Variants in GALNT10 observed in about 807,000 individuals in gnomAD.
The protein encoded by GALNT10 is GalNAc transferase 10.
GALNT10 carries 41 observed loss-of-function variants against 75.0 expected under a neutral mutation model. The observed-to-expected ratio is 0.55, with a 90% CI of 0.43 to 0.71. The LOEUF (loss-of-function observed/expected upper bound fraction) is 0.71, where lower values mean the gene tolerates loss of function less well. Ranked by LOEUF, GALNT10 falls within the 30% of genes least tolerant of loss-of-function variation. The pLI is 0.00. For synonymous variants in GALNT10, 302 were observed against 313.0 expected (o/e 0.96, Z 0.37); for missense variants, 727 against 818.5 (o/e 0.89, Z 1.36).
In GALNT10 at chr5:154,230,539, G is replaced by A. The variant is rs148354456; in HGVS notation, c.159+39514G>A. 9.7e-3 allele frequency among the ~76,000 whole-genome samples: 1,472 copies of A among 152,300 alleles called. 98 individuals carry two copies. The highest frequency in any genetic ancestry group is 0.083 in the Admixed American group (1,266 of 15,298). On this transcript the variant is annotated intron_variant, in intron 1 of 11. Coordinates refer to ENST00000297107, the MANE Select transcript of GALNT10 (RefSeq NM_198321.4). ...CCAAATCTGCACCATAGGCTTCTGT[G>A]TCTGGCTTATGAGTAGCAGCTTTAT...
chr5:154,377,484 T>C (rs934872534), intron 5 of GALNT10, among the ~76,000 whole-genome samples: 3 of 152,224 alleles, frequency 2.0e-5, no homozygotes, highest in Admixed American at 1.3e-4. Context: ...AAAACACAGA[T>C]GCTGGCCCCT....
intron 1 of GALNT10, among the ~76,000 whole-genome samples, chr5:154,211,293 T>C (rs946531241): frequency 6.6e-6 from 1 of 152,162 alleles, no homozygotes; most frequent in African/African-American, 2.4e-5. Flanking sequence ...CTATGGACTC[T>C]CTGGAGGGAG....
At chr5:154,322,692 A>G (rs889032) in intron 3 of GALNT10, among the ~76,000 whole-genome samples, 106,890 of 151,918 alleles carry the variant, frequency 0.7, 38,536 homozygotes, top group Admixed American at 0.82. Flanking sequence ...GGCCTGGGAA[A>G]ATTCCCTATC....
At chr5:154,199,160 A>T (rs181320235) in intron 1 of GALNT10, among the ~76,000 whole-genome samples, 2 of 152,210 alleles carry the variant, frequency 1.3e-5, no homozygotes, top group East Asian at 3.9e-4. Context: ...TTCTTCTTGA[A>T]CTTCAGGGTG....
chr5:154,284,553 G>A (rs1775129155), intron 1 of GALNT10, among the ~76,000 whole-genome samples: 2 of 152,102 alleles, frequency 1.3e-5, no homozygotes, highest in Admixed American at 1.3e-4. Context: ...ATCCACAGCT[G>A]CTGTGCAGAG....
Position 154,403,823 on chromosome 5 carries a change from G to A in GALNT10, c.1057-281G>A, listed in dbSNP as rs182524834. ...GCCTCCATTTCAGCATCTGTAAAAT[G>A]TTACTACCTACTTTATAGGTTTTCT... is the stretch of plus-strand genomic sequence containing the variant. On this transcript the variant is annotated intron_variant, in intron 7 of 11. Transcript: ENST00000297107. The A allele has an allele frequency of 2.5e-5, 11 of 448,774 alleles. No individual in the cohort carries two copies. In the Admixed American group the frequency reaches 4.2e-4, roughly 17 times the overall value. The allele number at this position is 448,774 out of a possible 1,614,324, so 27.8% of individuals were successfully genotyped here.
chr5:154,319,000 A>G (rs781366043), intron 3 of GALNT10, among the ~76,000 whole-genome samples: 1 of 152,250 alleles, frequency 6.6e-6, no homozygotes, highest in Non-Finnish European at 1.5e-5. Context: ...CTTCTTTCAC[A>G]GTACCTTTGG....
chr5:154,308,185 T>C (rs9324771), intron 3 of GALNT10, among the ~76,000 whole-genome samples: 65,732 of 151,262 alleles, frequency 0.43, 14,983 homozygotes, highest in African/African-American at 0.53. Flanking sequence ...GGGTAGAATG[T>C]AGTTGGAAAG....
chr5:154,297,326 A>T (rs1754291310), intron 2 of GALNT10, among the ~76,000 whole-genome samples: 1 of 152,252 alleles, frequency 6.6e-6, no homozygotes, highest in African/African-American at 2.4e-5. Flanking sequence ...CTAAAAACAA[A>T]AATAAAATCA....
At chr5:154,214,207 C>A (rs201400311) in intron 1 of GALNT10, among the ~76,000 whole-genome samples, 1 of 151,282 alleles carries the variant, frequency 6.6e-6, no homozygotes, top group African/African-American at 2.4e-5. Flanking sequence ...TTCTGAGGAC[C>A]AAAACAGCCT....
intron 1 of GALNT10, among the ~76,000 whole-genome samples, chr5:154,293,613 A>ATATATATTTTTTTTTT: frequency 9.1e-6 from 1 of 109,360 alleles, no homozygotes; most frequent in African/African-American, 4.2e-5. Flanking sequence ...ATATATATAT[A>ATATATATTTTTTTTTT]TTTTTTTTTT....
chr5:154,412,893 G>A lies in GALNT10; in HGVS notation c.1391G>A (p.Arg464Gln), dbSNP rs142635658. The A allele has an allele frequency of 4.6e-4, 735 of 1,611,100 alleles. 3 individuals carry two copies. The African/African-American group carries it at 8.3e-3, about 18-fold the overall frequency. ...TCTTCCCTCTTTCCCTTTCAGATCCGAAATGTGGGCACAGGGCTGTGTGCA... is the reference window on the plus strand; with the variant it reads ...TCTTCCCTCTTTCCCTTTCAGATCCAAAATGTGGGCACAGGGCTGTGTGCA... ...EPPAAAWGEI[R>Q]NVGTGLCADT... Residue 464 changes from arginine to glutamine, a missense_variant, in exon 10 of 12, where the codon CGA (arginine) becomes CAA (glutamine). By Grantham distance (43) the Arg-to-Gln change is conservative. Coordinates refer to ENST00000297107, the MANE Select transcript of GALNT10 (RefSeq NM_198321.4). This position sits in a 1 kb window ranked among gnomAD's most constrained non-coding sequence, Gnocchi z 4.2.
At chr5:154,324,608 T>G (rs995255227) in intron 3 of GALNT10, among the ~76,000 whole-genome samples, 9 of 152,230 alleles carry the variant, frequency 5.9e-5, no homozygotes, top group African/African-American at 2.2e-4. Context: ...GTGAATATTT[T>G]GGGGTAATGA....
At chr5:154,268,227 C>T (rs1169725414) in intron 1 of GALNT10, among the ~76,000 whole-genome samples, 2 of 152,118 alleles carry the variant, frequency 1.3e-5, no homozygotes, top group Non-Finnish European at 1.5e-5. Context: ...AGAGTTCACC[C>T]ATGACGTCAT....
At chr5:154,367,488 G>A (rs923092401) in intron 4 of GALNT10, among the ~76,000 whole-genome samples, 3 of 152,156 alleles carry the variant, frequency 2.0e-5, no homozygotes, top group Non-Finnish European at 2.9e-5. Flanking sequence ...GGATGGGAGG[G>A]CACCCAAGCC....
intron 4 of GALNT10, 95 bp downstream of exon 4, chr5:154,329,833 A>G: frequency 1.2e-6 from 1 of 800,504 alleles, no homozygotes; most frequent in South Asian, 1.7e-5. Flanking sequence ...CAGCATCAAC[A>G]TATAGGCCAT....
chr5:154,383,266 T>C (rs1005797094), intron 6 of GALNT10, among the ~76,000 whole-genome samples: 4 of 152,116 alleles, frequency 2.6e-5, no homozygotes, highest in African/African-American at 7.2e-5. Flanking sequence ...GATGGTAGAG[T>C]GCCCAGCAAG....
rs267600504 is a variant in GALNT10 at position 154,409,607 on chromosome 5, G to A, written c.1231G>A (p.Glu411Lys). 1 of 1,613,956 alleles carries A rather than the reference G, an allele frequency of 6.2e-7. No individual in the cohort carries two copies. Among genetic ancestry groups the A allele is most frequent in the African/African-American group, 1.3e-5 (1 of 74,918 alleles). Reference sequence around the variant, plus strand: ...AGAGTACATTTACCAGCGCCGGCCTGAATACCGCCACCTCTCCGCTGGGGA... The same window carrying A: ...AGAGTACATTTACCAGCGCCGGCCTAAATACCGCCACCTCTCCGCTGGGGA... ...YAEYIYQRRP[E>K]YRHLSAGDVA... Residue 411 changes from glutamate to lysine, a missense_variant, in exon 9 of 12, where the codon GAA (glutamate) becomes AAA (lysine). Transcript: ENST00000297107. The surrounding 1 kb of genome is among the most constrained non-coding windows in gnomAD (Gnocchi z 4.5).
rs183158172 is a variant in GALNT10, at chr5:154,329,747, C to T, written c.568+9C>T. ...CGACTTCAGTGATCGAGGTAGGATC[C>T]GTCCCACCCAGCCTCCCACCCTCTG... is the stretch of plus-strand genomic sequence containing the variant. On this transcript the variant is annotated intron_variant, in intron 4 of 11. Transcript: ENST00000297107. 13 of 1,603,902 alleles carry T rather than the reference C, an allele frequency of 8.1e-6. No homozygotes were observed. The East Asian group carries it at 2.0e-4, about 25-fold the overall frequency.
Sources: gnomAD v4.1 joint callset for allele counts (sites outside exome capture counted in the v4.1 genomes callset) on GRCh38, gnomAD v4.1.1 for gene constraint, Gnocchi (gnomAD v3.1) non-coding constraint, MANE v1.5 for transcripts, NCBI Gene and HGNC (gene_info 2026-07-23, HGNC 2026-07-21) for gene names.